The following IL23R variants were observed in gnomAD, a reference collection of about 807,000 sequenced individuals.
IL23R encodes interleukin 23 receptor.
A neutral mutation model predicts 56.9 loss-of-function variants in IL23R; 34 were observed. That is an observed-to-expected ratio of 0.60 (90% CI 0.45 to 0.80). IL23R has a LOEUF of 0.80. Ranked by LOEUF, IL23R falls within the 30% of genes least tolerant of loss-of-function variation. The pLI, the probability that IL23R is intolerant of heterozygous loss-of-function variation, is 0.00. For missense variants in IL23R, 635 were observed against 730.0 expected (o/e 0.87, Z 1.50); for synonymous variants, 230 against 249.2 (o/e 0.92, Z 0.73).
At chr1:67,146,919 A>T (rs1646684568) in intron 1 of IL23R, among the ~76,000 whole-genome samples, 1 of 152,156 alleles carries the variant, frequency 6.6e-6, no homozygotes, top group South Asian at 2.1e-4. Context: ...GTTATAGAAC[A>T]TCACTCCACC....
intron 9 of IL23R, among the ~76,000 whole-genome samples, chr1:67,250,257 C>A (rs192164287): frequency 2.0e-5 from 3 of 152,248 alleles, no homozygotes; most frequent in Admixed American, 2.0e-4. Flanking sequence ...TTTCATGTAT[C>A]CTTTCATGAC....
At chr1:67,241,930 C>G (rs773372343) in intron 9 of IL23R, among the ~76,000 whole-genome samples, 1 of 152,136 alleles carries the variant, frequency 6.6e-6, no homozygotes, top group African/African-American at 2.4e-5. Flanking sequence ...CTATAATACC[C>G]GATGTTTTCT....
chr1:67,229,354 G>A (rs545935541), intron 7 of IL23R, among the ~76,000 whole-genome samples: 1 of 152,312 alleles, frequency 6.6e-6, no homozygotes, highest in African/African-American at 2.4e-5. Flanking sequence ...GATGCAGTGG[G>A]CAAGGCATGT....
chr1:67,182,876 T>C lies in IL23R; in HGVS notation c.408T>C (p.Tyr136=), dbSNP rs770937631. The change falls in exon 4 of 11, where the codon TAT becomes TAC. Residue 136 remains tyrosine (Y), a synonymous_variant. Transcript: ENST00000347310. ...DIPDEVTCVI[Y]EYSGNMTCTW... is the part of the protein sequence containing the mutation. The stretch of plus-strand genomic sequence containing the variant: ...CTGATGAAGTAACCTGTGTCATTTA[T>C]GAATATTCAGGCAACATGACTTGCA... 2.9e-5 allele frequency: 46 copies of C among 1,613,972 alleles called. No individual in the cohort carries two copies. Among genetic ancestry groups the C allele is most frequent in the Admixed American group, 6.7e-5 (4 of 60,008 alleles).
At chr1:67,195,677 G>GA (rs545712657) in intron 4 of IL23R, among the ~76,000 whole-genome samples, 5 of 152,202 alleles carry the variant, frequency 3.3e-5, no homozygotes, top group African/African-American at 1.2e-4. Context: ...CACTGGAACC[G>GA]AAAAACCTGA....
chr1:67,162,140 G>A (rs1185071237), upstream of IL23R, among the ~76,000 whole-genome samples: 1 of 150,246 alleles, frequency 6.7e-6, no homozygotes, highest in Non-Finnish European at 1.5e-5. Context: ...TTTATCCAAT[G>A]TTTAAAAAAA....
chr1:67,219,854 C>T, intron 7 of IL23R, 124 bp downstream of exon 7: 1 of 932,388 alleles, frequency 1.1e-6, no homozygotes. Context: ...TTGCTTGAGC[C>T]TAGGAGTTTG....
At chr1:67,178,582 C>T (rs998165934) in intron 3 of IL23R, among the ~76,000 whole-genome samples, 1 of 152,168 alleles carries the variant, frequency 6.6e-6, no homozygotes, top group Non-Finnish European at 1.5e-5. Context: ...AATTTGACTT[C>T]CTCTTTTCCT....
chr1:67,160,547 T>A (rs1165764110), intron 1 of IL23R, among the ~76,000 whole-genome samples: 4 of 152,234 alleles, frequency 2.6e-5, no homozygotes, highest in Non-Finnish European at 5.9e-5. Flanking sequence ...CTTATTGATA[T>A]CTTTGTTAAT....
intron 4 of IL23R, among the ~76,000 whole-genome samples, chr1:67,187,681 A>T (rs534385916): frequency 6.6e-6 from 1 of 152,358 alleles, no homozygotes; most frequent in Admixed American, 6.5e-5. Context: ...AGAAATATTC[A>T]TTGGGAAGAG....
intron 1 of IL23R, among the ~76,000 whole-genome samples, chr1:67,150,177 C>G (rs1646715103): frequency 6.6e-6 from 1 of 150,944 alleles, no homozygotes; most frequent in Admixed American, 6.6e-5. Flanking sequence ...CCAGCTTGGT[C>G]TCTCCTCTGA....
chr1:67,211,312 T>C (rs565324606), intron 6 of IL23R, among the ~76,000 whole-genome samples: 1 of 152,328 alleles, frequency 6.6e-6, no homozygotes, highest in African/African-American at 2.4e-5. Flanking sequence ...AGTCATAGAA[T>C]GATATTAAAG....
chr1:67,160,737 A>G (rs1006131693), intron 1 of IL23R, among the ~76,000 whole-genome samples: 1 of 152,072 alleles, frequency 6.6e-6, no homozygotes, highest in Non-Finnish European at 1.5e-5. Flanking sequence ...GCTGGAGTGC[A>G]GTGGCATGAT....
At chr1:67,260,781 T>C (rs1445256308), downstream of IL23R, among the ~76,000 whole-genome samples, 1 of 152,126 alleles carries the variant, frequency 6.6e-6, no homozygotes, top group African/African-American at 2.4e-5. Context: ...CCTATAGTCC[T>C]AGCTACTCAG....
intron 1 of IL23R, among the ~76,000 whole-genome samples, chr1:67,141,085 A>G (rs368446166): frequency 6.6e-6 from 1 of 152,212 alleles, no homozygotes; most frequent in South Asian, 2.1e-4. Context: ...ACGTAATAAC[A>G]TAGGAAAATG....
chr1:67,241,172 A>G (rs899673903), intron 9 of IL23R, among the ~76,000 whole-genome samples: 13 of 152,330 alleles, frequency 8.5e-5, no homozygotes, highest in Middle Eastern at 3.4e-3. Flanking sequence ...GAGATTGACC[A>G]AAACTTTAGT....
At chr1:67,177,488 G>C (rs1647026601) in intron 3 of IL23R, among the ~76,000 whole-genome samples, 1 of 151,896 alleles carries the variant, frequency 6.6e-6, no homozygotes, top group Non-Finnish European at 1.5e-5. Flanking sequence ...TTGTAAATTT[G>C]TTTGAGTTCT....
intron 3 of IL23R, among the ~76,000 whole-genome samples, chr1:67,173,761 C>A (rs531308850): frequency 6.6e-6 from 1 of 152,028 alleles, no homozygotes; most frequent in East Asian, 1.9e-4. Context: ...AAAATGTAGA[C>A]CAGCAAAAAA....
downstream of IL23R, among the ~76,000 whole-genome samples, chr1:67,261,107 A>G (rs1385330684): frequency 1.3e-5 from 2 of 150,568 alleles, no homozygotes; most frequent in Non-Finnish European, 3.0e-5. Context: ...ATAAAAATCT[A>G]AAAGCAATTT....
Sources: gnomAD v4.1 joint callset for allele counts (sites outside exome capture counted in the v4.1 genomes callset) on GRCh38, gnomAD v4.1.1 for gene constraint, MANE v1.5 for transcripts, NCBI Gene and HGNC (gene_info 2026-07-23, HGNC 2026-07-21) for gene names.